Variants in FAF1 observed in about 807,000 individuals in gnomAD.
FAF1 encodes the protein Fas associated factor 1.
In FAF1, 25 loss-of-function variants were observed where a neutral mutation model predicts 92.5. That is an observed-to-expected ratio of 0.27 (90% CI 0.20 to 0.38). The LOEUF is 0.38. FAF1 is among the 10% of genes least tolerant of loss of function. The probability of loss-of-function intolerance (pLI) is 1.00; values close to 1 mark genes in which losing one functional copy is unlikely to be tolerated. For synonymous variants in FAF1, 234 were observed against 273.2 expected (o/e 0.86, Z 1.42); for missense variants, 636 against 793.3 (o/e 0.80, Z 2.38).
At chr1:50,822,749 TC>T (rs1430437948) in intron 2 of FAF1, among the ~76,000 whole-genome samples, 380 of 139,144 alleles carry the variant, frequency 2.7e-3, no homozygotes, top group African/African-American at 4.0e-3. Flanking sequence ...TGGTGTTTTT[TC>T]TTTCTTTCTT....
At chr1:50,452,181 A>C in intron 18 of FAF1, 1 of 1,338,000 alleles carries the variant, frequency 7.5e-7, no homozygotes, top group Non-Finnish European at 9.9e-7. Context: ...CCCATCCTGG[A>C]AAGTCCTGGA....
chr1:50,545,093 T>C (rs1230576851), intron 13 of FAF1, among the ~76,000 whole-genome samples: 1 of 151,658 alleles, frequency 6.6e-6, no homozygotes, highest in African/African-American at 2.4e-5. Flanking sequence ...ACGGGGAAAT[T>C]TTCTGAATTC....
chr1:50,743,608 G>A (rs1040645332), intron 5 of FAF1, among the ~76,000 whole-genome samples: 3 of 152,152 alleles, frequency 2.0e-5, no homozygotes, highest in East Asian at 1.9e-4. Flanking sequence ...GATTATAGGC[G>A]TGAGCCACTG....
chr1:50,837,747 C>CT (rs112915276), intron 2 of FAF1, among the ~76,000 whole-genome samples: 13,423 of 141,450 alleles, frequency 0.095, 631 homozygotes, highest in African/African-American at 0.12. Flanking sequence ...GGGGAAGCTC[C>CT]TTTTTTTTTT....
intron 15 of FAF1, among the ~76,000 whole-genome samples, chr1:50,521,074 C>G (rs1191299033): frequency 6.6e-6 from 1 of 152,080 alleles, no homozygotes; most frequent in Non-Finnish European, 1.5e-5. Flanking sequence ...TTGTATATAT[C>G]ATGTATAATC....
intron 7 of FAF1, among the ~76,000 whole-genome samples, chr1:50,688,135 C>G (rs1371095497): frequency 7.0e-6 from 1 of 143,142 alleles, no homozygotes; most frequent in Non-Finnish European, 1.5e-5. Context: ...GACTCTATCT[C>G]AAAAAAAATA....
chr1:50,587,773 C>T (rs1170116945), intron 9 of FAF1, among the ~76,000 whole-genome samples: 2 of 152,160 alleles, frequency 1.3e-5, no homozygotes, highest in Non-Finnish European at 2.9e-5. Flanking sequence ...ATATATTATA[C>T]ACAGAGTGAT....
At chr1:50,494,489 G>A (rs969397621) in intron 15 of FAF1, among the ~76,000 whole-genome samples, 2 of 152,178 alleles carry the variant, frequency 1.3e-5, no homozygotes, top group East Asian at 3.8e-4. Context: ...TGGATTATGA[G>A]ATTCAGAAAC....
At chr1:50,923,429 A>C (rs1249169992) in intron 1 of FAF1, among the ~76,000 whole-genome samples, 1 of 152,154 alleles carries the variant, frequency 6.6e-6, no homozygotes, top group Non-Finnish European at 1.5e-5. Context: ...ACAAAAAAAC[A>C]AAAAACAAAC....
intron 7 of FAF1, among the ~76,000 whole-genome samples, chr1:50,681,812 C>A (rs1433458202): frequency 6.6e-6 from 1 of 151,742 alleles, no homozygotes; most frequent in Non-Finnish European, 1.5e-5. Context: ...AGCCACTGTT[C>A]CCGGCCTCTT....
chr1:50,609,882 C>A (rs1456159717), intron 8 of FAF1, among the ~76,000 whole-genome samples: 6 of 151,980 alleles, frequency 3.9e-5, no homozygotes, highest in Non-Finnish European at 8.8e-5. Context: ...ACTTATGTTG[C>A]AAAACCACGT....
intron 1 of FAF1, among the ~76,000 whole-genome samples, chr1:50,860,532 T>C (rs1397785153): frequency 6.6e-6 from 1 of 151,476 alleles, no homozygotes; most frequent in Non-Finnish European, 1.5e-5. Flanking sequence ...GAAATGCAAA[T>C]CAAAACTACA....
chr1:50,905,599 T>C (rs529936337), intron 1 of FAF1, among the ~76,000 whole-genome samples: 2 of 152,336 alleles, frequency 1.3e-5, no homozygotes, highest in Admixed American at 6.5e-5. Flanking sequence ...TGGTATCTGA[T>C]TGTGGTTTTA....
At chr1:50,941,760 T>G (rs1017218880) in intron 1 of FAF1, among the ~76,000 whole-genome samples, 5 of 152,194 alleles carry the variant, frequency 3.3e-5, no homozygotes, top group African/African-American at 1.2e-4. Flanking sequence ...GGAAATATGT[T>G]CCCTCATTGG....
intron 17 of FAF1, among the ~76,000 whole-genome samples, chr1:50,480,211 A>G (rs1369685560): frequency 6.6e-6 from 1 of 152,140 alleles, no homozygotes; most frequent in East Asian, 1.9e-4. Flanking sequence ...AAATGGGGCT[A>G]TTTTTTGAAG....
intron 8 of FAF1, among the ~76,000 whole-genome samples, chr1:50,654,441 T>C (rs1168876411): frequency 6.6e-6 from 1 of 152,154 alleles, no homozygotes; most frequent in Admixed American, 6.5e-5. Context: ...AAACTGAATT[T>C]CAGATGGCCT....
chr1:50,758,493 A>G (rs1012764467), intron 4 of FAF1, among the ~76,000 whole-genome samples: 1 of 152,246 alleles, frequency 6.6e-6, no homozygotes. Context: ...TACAAATGCT[A>G]TAATACATTG....
chr1:50,576,395 G>A (rs1650735522), intron 12 of FAF1, among the ~76,000 whole-genome samples: 2 of 152,190 alleles, frequency 1.3e-5, no homozygotes, highest in African/African-American at 2.4e-5. Flanking sequence ...CTTTGGAGCT[G>A]TAATGAAATT....
chr1:50,496,290 A>G lies in FAF1; in HGVS notation c.1495-4489T>C, dbSNP rs74082538. ...CCAATAGGTCCTTGTCATCAGAGAC[A>G]TGGCCCTGCTATCTATCTCTAGAGA... is the stretch of plus-strand genomic sequence containing the variant. On this transcript the variant is annotated intron_variant, in intron 15 of 18. Coordinates refer to ENST00000396153, the MANE Select transcript of FAF1 (RefSeq NM_007051.3). Among the ~76,000 whole-genome samples the G allele has an allele frequency of 9.2e-3, 1,396 of 152,334 alleles. 19 individuals are homozygous for G. Among genetic ancestry groups the G allele is most frequent in the African/African-American group, 0.032 (1,344 of 41,578 alleles).
Sources: allele counts gnomAD v4.1 joint callset (sites outside exome capture counted in the v4.1 genomes callset), GRCh38; gene constraint gnomAD v4.1.1; transcripts MANE v1.5; gene names NCBI Gene and HGNC (gene_info 2026-07-23, HGNC 2026-07-21).